CDH13: variants seen among roughly 807,000 people sequenced by gnomAD.
CDH13 encodes the protein cadherin 13.
CDH13 carries 24 observed loss-of-function variants against 63.8 expected under a neutral mutation model. The observed-to-expected ratio is 0.38, with a 90% CI of 0.27 to 0.53. The LOEUF is 0.53. CDH13 is among the 20% of genes least tolerant of loss of function. The probability of loss-of-function intolerance (pLI) is 0.85; values close to 1 mark genes in which losing one functional copy is unlikely to be tolerated. For synonymous variants in CDH13, 503 were observed against 355.3 expected (o/e 1.42, Z -4.67); for missense variants, 1,049 against 903.1 (o/e 1.16, Z -2.07).
intron 1 of CDH13, among the ~76,000 whole-genome samples, chr16:82,667,595 A>G (rs957102376): frequency 1.3e-5 from 2 of 152,122 alleles, no homozygotes; most frequent in Non-Finnish European, 2.9e-5. Context: ...CAGTTCAGAG[A>G]GGAGTTGTCT....
intron 1 of CDH13, among the ~76,000 whole-genome samples, chr16:82,650,697 C>A (rs981073217): frequency 7.9e-5 from 12 of 152,158 alleles, no homozygotes; most frequent in African/African-American, 2.7e-4. Flanking sequence ...CTGTGCTCAG[C>A]CTGCTCCCTC....
chr16:83,350,823 T>A (rs2090937576), intron 6 of CDH13, among the ~76,000 whole-genome samples: 1 of 151,904 alleles, frequency 6.6e-6, no homozygotes, highest in Non-Finnish European at 1.5e-5. Flanking sequence ...ATGTAGGGAG[T>A]TTTTGTCTTT....
intron 1 of CDH13, among the ~76,000 whole-genome samples, chr16:82,815,509 C>G (rs913988053): frequency 1.3e-5 from 2 of 152,138 alleles, no homozygotes; most frequent in African/African-American, 2.4e-5. Context: ...AAAACACTCC[C>G]TACATGGGAG....
chr16:83,376,024 A>G (rs532247386), intron 6 of CDH13, among the ~76,000 whole-genome samples: 19 of 152,316 alleles, frequency 1.2e-4, no homozygotes, highest in African/African-American at 4.1e-4. Context: ...AGCTTTAGGG[A>G]TAGCAGTATC....
rs1194938901 is a variant in CDH13, at chr16:83,739,287, G to A, written c.1539-8821G>A. ...AAAAAACCCTGAATGTTGAGTCTTC[G>A]GTGAGCTTCCCTGATGGAGAACATT... On this transcript the variant is annotated intron_variant, in intron 10 of 13. Transcript: ENST00000567109. Among the ~76,000 whole-genome samples, 4 of 151,992 alleles carry A rather than the reference G, an allele frequency of 2.6e-5. 1 individual carries two copies. Among genetic ancestry groups the A allele is most frequent in the South Asian group, 2.1e-4 (1 of 4,832 alleles).
rs149174972 is a variant in CDH13, at chr16:83,100,732, C to T, written c.367-24653C>T. Among the ~76,000 whole-genome samples, 843 of 152,308 alleles carry T rather than the reference C, an allele frequency of 5.5e-3. 2 individuals carry two copies. The highest frequency in any genetic ancestry group is 8.5e-3 in the Non-Finnish European group (580 of 68,028). On this transcript the variant is annotated intron_variant, in intron 3 of 13. Transcript: ENST00000567109. The stretch of plus-strand genomic sequence containing the variant: ...GTTAGCTCAAGCCAGGTAGGATAGA[C>T]TTGACCATATGTTCGTGCAAGTTAC...
intron 5 of CDH13, among the ~76,000 whole-genome samples, chr16:83,267,925 G>C (rs1012817117): frequency 2.0e-5 from 3 of 152,188 alleles, no homozygotes; most frequent in African/African-American, 4.8e-5. Flanking sequence ...ACCAAGTGAA[G>C]TGTCTCTCAG....
At chr16:83,466,884 C>T (rs986942991) in intron 6 of CDH13, among the ~76,000 whole-genome samples, 3 of 152,174 alleles carry the variant, frequency 2.0e-5, no homozygotes, top group African/African-American at 7.2e-5. Flanking sequence ...AAGATTAAGT[C>T]TTCCATGCCA....
At chr16:82,806,230 T>A (rs1178688884) in intron 1 of CDH13, among the ~76,000 whole-genome samples, 1 of 152,192 alleles carries the variant, frequency 6.6e-6, no homozygotes. Context: ...CATGCCCTTG[T>A]CCCTTCATAA....
chr16:83,260,264 A>T (rs117773692), intron 5 of CDH13, among the ~76,000 whole-genome samples: 3 of 152,184 alleles, frequency 2.0e-5, no homozygotes, highest in African/African-American at 7.2e-5. Context: ...TTTATGATCT[A>T]AAAATGAATT....
intron 11 of CDH13, among the ~76,000 whole-genome samples, chr16:83,767,059 C>T (rs1914438191): frequency 6.6e-6 from 1 of 152,164 alleles, no homozygotes; most frequent in Non-Finnish European, 1.5e-5. Flanking sequence ...TTCTTTATAG[C>T]AGCATGAGAA....
intron 2 of CDH13, among the ~76,000 whole-genome samples, chr16:82,910,672 C>T (rs2041803074): frequency 6.6e-6 from 1 of 152,172 alleles, no homozygotes; most frequent in Non-Finnish European, 1.5e-5. Flanking sequence ...ACAGGCCGCA[C>T]AGGTGTTTAG....
intron 2 of CDH13, 182 bp downstream of exon 2, chr16:82,858,655 A>G (rs1404540016): frequency 1.6e-6 from 1 of 641,784 alleles, no homozygotes; most frequent in African/African-American, 1.8e-5. Context: ...TTAGAGGTTA[A>G]TAGAGTGATA....
At chr16:83,101,288 C>G (rs1329231637) in intron 3 of CDH13, among the ~76,000 whole-genome samples, 1 of 149,326 alleles carries the variant, frequency 6.7e-6, no homozygotes, top group Non-Finnish European at 1.5e-5. Flanking sequence ...CAGATATATA[C>G]TTTATGTGTA....
intron 1 of CDH13, among the ~76,000 whole-genome samples, chr16:82,804,524 T>G (rs1258088228): frequency 1.3e-5 from 2 of 152,194 alleles, no homozygotes; most frequent in East Asian, 3.8e-4. Context: ...TTTCATATCC[T>G]CAGGTCATCA....
At chr16:83,372,169 A>G (rs1389773779) in intron 6 of CDH13, among the ~76,000 whole-genome samples, 2 of 152,150 alleles carry the variant, frequency 1.3e-5, no homozygotes, top group Non-Finnish European at 2.9e-5. Context: ...ACAGCTTTGT[A>G]TGGGAGGTTC....
At chr16:83,611,374 T>A (rs1908847562) in intron 8 of CDH13, among the ~76,000 whole-genome samples, 1 of 152,124 alleles carries the variant, frequency 6.6e-6, no homozygotes, top group Non-Finnish European at 1.5e-5. Flanking sequence ...ACTATGTATA[T>A]TTCAATTTGC....
chr16:83,024,054 A>G (rs1007677377), intron 2 of CDH13, among the ~76,000 whole-genome samples: 1 of 152,018 alleles, frequency 6.6e-6, no homozygotes, highest in African/African-American at 2.4e-5. Flanking sequence ...TTCTTATCTG[A>G]TATTTGGATA....
intron 2 of CDH13, among the ~76,000 whole-genome samples, chr16:83,009,568 G>A (rs7184101): frequency 0.39 from 58,685 of 151,958 alleles, 11,476 homozygotes; most frequent in Middle Eastern, 0.46. Context: ...ATATGGCTGA[G>A]TAGCAGTACT....
Sources: allele counts gnomAD v4.1 joint callset (sites outside exome capture counted in the v4.1 genomes callset), GRCh38; gene constraint gnomAD v4.1.1; transcripts MANE v1.5; gene names NCBI Gene and HGNC (gene_info 2026-07-23, HGNC 2026-07-21).